The following ARHGEF9 variants were observed in gnomAD, a reference collection of about 807,000 sequenced individuals.
ARHGEF9 encodes Cdc42 guanine nucleotide exchange factor 9, also known as rho guanine nucleotide exchange factor 9.
In ARHGEF9, 2 loss-of-function variants were observed where a neutral mutation model predicts 41.3. The observed-to-expected ratio is 0.05, with a 90% CI of 0.02 to 0.15. The LOEUF (loss-of-function observed/expected upper bound fraction) is 0.15, where lower values mean the gene tolerates loss of function less well. Among genes scored for constraint, ARHGEF9 ranks in the 10% least tolerant of loss-of-function variants. ARHGEF9 has a pLI of 1.00. For missense variants in ARHGEF9, 225 were observed against 424.7 expected (o/e 0.53, Z 4.13); for synonymous variants, 160 against 154.4 (o/e 1.04, Z -0.27).
intron 1 of ARHGEF9, among the ~76,000 whole-genome samples, chrX:63,736,513 G>A (rs2054621066): frequency 9.0e-6 from 1 of 111,169 alleles, no homozygotes; most frequent in Admixed American, 9.6e-5. Flanking sequence ...TAACTAGTTA[G>A]CACACCTAGC....
At chrX:63,683,586 T>C (rs1163635016) in intron 4 of ARHGEF9, among the ~76,000 whole-genome samples, 1 of 111,894 alleles carries the variant, frequency 8.9e-6, no homozygotes, top group Non-Finnish European at 1.9e-5. Context: ...ATCACACTCT[T>C]TGATTTCAAA....
chrX:63,662,947 G>T (rs2049306585), intron 7 of ARHGEF9, among the ~76,000 whole-genome samples: 1 of 111,520 alleles, frequency 9.0e-6, no homozygotes, highest in Non-Finnish European at 1.9e-5. Context: ...ATTCCACTTG[G>T]GACATCATAG....
intron 4 of ARHGEF9, among the ~76,000 whole-genome samples, chrX:63,682,428 T>A (rs782653158): frequency 1.8e-5 from 2 of 108,877 alleles, no homozygotes; most frequent in South Asian, 7.9e-4. Context: ...GGCAGGAGAA[T>A]GGCGTGAACC....
At chrX:63,701,401 C>T (rs1455282999) in intron 3 of ARHGEF9, 1 of 110,273 alleles carries the variant, frequency 9.1e-6, no homozygotes, top group Admixed American at 9.6e-5. Flanking sequence ...GGCGACCTGA[C>T]AAACATCTTG....
At chrX:63,645,996 T>G (rs1291197520) in intron 8 of ARHGEF9, among the ~76,000 whole-genome samples, 13 of 112,459 alleles carry the variant, frequency 1.2e-4, no homozygotes, top group South Asian at 7.4e-4. Context: ...TGAGCATTTT[T>G]TCATGTGTCT....
At chrX:63,752,920 G>A (rs1282034281) in intron 1 of ARHGEF9, among the ~76,000 whole-genome samples, 1 of 111,084 alleles carries the variant, frequency 9.0e-6, no homozygotes, top group Non-Finnish European at 1.9e-5. Context: ...GTGTAGATGT[G>A]TATGTGTCCT....
intron 1 of ARHGEF9, among the ~76,000 whole-genome samples, chrX:63,764,220 C>T (rs2056079771): frequency 8.9e-6 from 1 of 112,608 alleles, no homozygotes; most frequent in African/African-American, 3.2e-5. Flanking sequence ...ATGAAAAAAG[C>T]TCAACAATAC....
intron 1 of ARHGEF9, among the ~76,000 whole-genome samples, chrX:63,775,990 G>C (rs1373913018): frequency 9.0e-6 from 1 of 111,129 alleles, no homozygotes; most frequent in Admixed American, 9.6e-5. Context: ...AGTCCAGCCT[G>C]TCTTTATTTC....
intron 4 of ARHGEF9, among the ~76,000 whole-genome samples, chrX:63,686,096 G>T (rs1299230779): frequency 9.0e-6 from 1 of 111,597 alleles, no homozygotes; most frequent in Non-Finnish European, 1.9e-5. Flanking sequence ...ATTCATAATA[G>T]CAAAGATAAG....
At chrX:63,704,762 A>G (rs2052416116) in intron 3 of ARHGEF9, among the ~76,000 whole-genome samples, 1 of 112,545 alleles carries the variant, frequency 8.9e-6, no homozygotes, top group African/African-American at 3.2e-5. Flanking sequence ...GGTATCTTCA[A>G]GCCCACAGGG....
chrX:63,672,825 C>T (rs1343926113), intron 6 of ARHGEF9, among the ~76,000 whole-genome samples: 1 of 111,548 alleles, frequency 9.0e-6, no homozygotes, highest in Non-Finnish European at 1.9e-5. Flanking sequence ...GTCATTTGGT[C>T]CAGCTCTCTG....
At chrX:63,764,302 TAA>T (rs1288273342) in intron 1 of ARHGEF9, among the ~76,000 whole-genome samples, 2 of 112,267 alleles carry the variant, frequency 1.8e-5, no homozygotes, top group Non-Finnish European at 3.8e-5. Flanking sequence ...TGGCAATTAT[TAA>T]AAAGTCAAGA....
chrX:63,738,060 A>G (rs1556424338), intron 1 of ARHGEF9, among the ~76,000 whole-genome samples: 1 of 112,355 alleles, frequency 8.9e-6, no homozygotes, highest in East Asian at 2.8e-4. Context: ...TGAAGTTCAT[A>G]GAGCCAGAAT....
chrX:63,757,617 T>A (rs1556447964), intron 1 of ARHGEF9, among the ~76,000 whole-genome samples: 1 of 111,117 alleles, frequency 9.0e-6, no homozygotes, highest in Non-Finnish European at 1.9e-5. Flanking sequence ...CTCCTTAATC[T>A]CTCTCATTTG....
chrX:63,650,805 T>G (rs1207168485), intron 8 of ARHGEF9, among the ~76,000 whole-genome samples: 3 of 109,190 alleles, frequency 2.7e-5, no homozygotes, highest in Non-Finnish European at 5.8e-5. Context: ...AGATCAATAC[T>G]CCCTGATAAG....
In ARHGEF9 at chrX:63,635,800, A is replaced by C. The variant is rs1556296741; in HGVS notation, c.*2228T>G. 1 of 165,366 alleles carries C rather than the reference A, an allele frequency of 6.0e-6. No individual in the cohort carries two copies. 13.6% of individuals were successfully genotyped at this position (165,366 alleles called of 1,213,427 possible). On this transcript the variant is annotated 3_prime_UTR_variant, in exon 10 of 10. Transcript: ENST00000671741. ...CTGCCAACCCTCGAAGAAGCATGTC[A>C]AGGCCAAGCCTAGTAAGGAGGAGTG...
At chrX:63,782,206 G>A (rs1248889580) in intron 1 of ARHGEF9, among the ~76,000 whole-genome samples, 1 of 111,659 alleles carries the variant, frequency 9.0e-6, no homozygotes, top group Admixed American at 9.5e-5. Context: ...ACTTAGATCA[G>A]TGTCATTTCA....
intron 2 of ARHGEF9, among the ~76,000 whole-genome samples, chrX:63,713,848 C>T (rs2053120699): frequency 1.8e-5 from 2 of 110,741 alleles, no homozygotes; most frequent in Admixed American, 9.5e-5. Flanking sequence ...ACAATCAGCA[C>T]GGTATGTACA....
At chrX:63,640,584 T>C (rs1335080103) in intron 9 of ARHGEF9, 1 of 112,133 alleles carries the variant, frequency 8.9e-6, no homozygotes, top group Non-Finnish European at 1.9e-5. Context: ...CAAGAAGTTA[T>C]ATATCAATAC....
Sources: allele counts gnomAD v4.1 joint callset (sites outside exome capture counted in the v4.1 genomes callset), GRCh38; gene constraint gnomAD v4.1.1; transcripts MANE v1.5; gene names NCBI Gene and HGNC (gene_info 2026-07-23, HGNC 2026-07-21).